PDSS2: variants seen among roughly 807,000 people sequenced by gnomAD.
PDSS2 encodes all trans-polyprenyl-diphosphate synthase PDSS2.
In PDSS2, 31 loss-of-function variants were observed where a neutral mutation model predicts 44.5. That is an observed-to-expected ratio of 0.70 (90% CI 0.52 to 0.94). The LOEUF is 0.94. Among genes scored for constraint, PDSS2 ranks in the 40% least tolerant of loss-of-function variants. PDSS2 has a pLI of 0.00. For synonymous variants in PDSS2, 157 were observed against 180.3 expected (o/e 0.87, Z 1.03); for missense variants, 452 against 482.2 (o/e 0.94, Z 0.59).
intron 1 of PDSS2, among the ~76,000 whole-genome samples, chr6:107,444,640 G>T (rs1562544769): frequency 6.6e-6 from 1 of 152,156 alleles, no homozygotes; most frequent in Non-Finnish European, 1.5e-5. Context: ...TTTTCAGTCA[G>T]TAATTACAGA....
At chr6:107,158,650 A>G (rs1347057632) in intron 7 of PDSS2, among the ~76,000 whole-genome samples, 2 of 152,128 alleles carry the variant, frequency 1.3e-5, no homozygotes, top group African/African-American at 4.8e-5. Context: ...AGGCACTAAA[A>G]TGGTGCTGGG....
intron 4 of PDSS2, among the ~76,000 whole-genome samples, chr6:107,240,725 T>TA (rs777215260): frequency 3.7e-4 from 55 of 149,176 alleles, no homozygotes; most frequent in Admixed American, 1.1e-3. Context: ...AAATAAAAAT[T>TA]TAAAAAAAAA....
chr6:107,314,474 G>A lies in PDSS2; in HGVS notation c.431+19724C>T, dbSNP rs2115133520. On this transcript the variant is annotated intron_variant, in intron 2 of 7. Coordinates refer to ENST00000369037, the MANE Select transcript of PDSS2 (RefSeq NM_020381.4). The stretch of plus-strand genomic sequence containing the variant: ...ATGCAAGCCATATTTATTAGAGGCA[G>A]CATGTCAAATAGGAGTTGACAATTA... 3.3e-5 allele frequency among the ~76,000 whole-genome samples: 5 copies of A among 152,262 alleles called. 1 individual carries two copies. The Middle Eastern group carries it at 0.017, about 518-fold the overall frequency.
intron 4 of PDSS2, among the ~76,000 whole-genome samples, chr6:107,236,467 CAAA>C (rs373182358): frequency 7.1e-5 from 7 of 98,566 alleles, no homozygotes; most frequent in Admixed American, 3.3e-4. Context: ...GACTCTGTCT[CAAA>C]AAAAAAAAAA....
chr6:107,249,622 G>A (rs528503655), intron 3 of PDSS2, among the ~76,000 whole-genome samples: 41 of 152,198 alleles, frequency 2.7e-4, no homozygotes, highest in Middle Eastern at 6.8e-3. Flanking sequence ...TTCAGTTTGG[G>A]TCATATGTTG....
At chr6:107,307,596 G>A (rs904179914) in intron 2 of PDSS2, among the ~76,000 whole-genome samples, 5 of 151,328 alleles carry the variant, frequency 3.3e-5, no homozygotes, top group African/African-American at 1.2e-4. Context: ...ACCAAACTGT[G>A]CAATGTCTTT....
intron 2 of PDSS2, among the ~76,000 whole-genome samples, chr6:107,293,567 G>C (rs1279661926): frequency 2.0e-5 from 3 of 152,056 alleles, no homozygotes; most frequent in Non-Finnish European, 2.9e-5. Flanking sequence ...GGCAGGTGGA[G>C]GATTAAAGAA....
chr6:107,447,450 A>G (rs1329797145), intron 1 of PDSS2, among the ~76,000 whole-genome samples: 3 of 152,212 alleles, frequency 2.0e-5, no homozygotes, highest in African/African-American at 7.2e-5. Flanking sequence ...TGGCCAAAAC[A>G]AAGGGGATAC....
At chr6:107,252,312 C>T (rs1338302494) in intron 3 of PDSS2, among the ~76,000 whole-genome samples, 4 of 152,186 alleles carry the variant, frequency 2.6e-5, no homozygotes, top group Non-Finnish European at 4.4e-5. Flanking sequence ...GCAATAAGCA[C>T]ACCAACTCAT....
intron 1 of PDSS2, among the ~76,000 whole-genome samples, chr6:107,432,166 G>A (rs1202388396): frequency 6.6e-6 from 1 of 152,090 alleles, no homozygotes; most frequent in Admixed American, 6.5e-5. Context: ...TATCTAGCAG[G>A]AATTTAAAAG....
At position 107,441,529 on chromosome 6, in the gene PDSS2, T is replaced by C. The variant is rs929144864; in HGVS notation, c.296+17461A>G. Among the ~76,000 whole-genome samples the C allele has an allele frequency of 2.6e-5, 4 of 152,202 alleles. No individual in the cohort carries two copies. In the East Asian group the frequency reaches 5.8e-4, roughly 22 times the overall value. Reference sequence around the variant, plus strand: ...ACCATTTAGCCCACAGGTTGAAGAATGTAAGAATTAGGTCACAAAATTAGA... The same window carrying C: ...ACCATTTAGCCCACAGGTTGAAGAACGTAAGAATTAGGTCACAAAATTAGA... On this transcript the variant is annotated intron_variant, in intron 1 of 7. Transcript: ENST00000369037.
intron 4 of PDSS2, among the ~76,000 whole-genome samples, chr6:107,214,382 CT>C (rs1296460722): frequency 1.3e-5 from 2 of 152,100 alleles, no homozygotes; most frequent in Non-Finnish European, 2.9e-5. Flanking sequence ...TGAGCCACCG[CT>C]CCCGGCCTTT....
intron 1 of PDSS2, among the ~76,000 whole-genome samples, chr6:107,379,534 T>G (rs1459308447): frequency 6.6e-6 from 1 of 152,210 alleles, no homozygotes; most frequent in Non-Finnish European, 1.5e-5. Flanking sequence ...AGCATGCTTA[T>G]GTCTCTTTGT....
At chr6:107,402,795 C>T (rs555818310) in intron 1 of PDSS2, among the ~76,000 whole-genome samples, 31 of 151,984 alleles carry the variant, frequency 2.0e-4, no homozygotes, top group African/African-American at 7.5e-4. Flanking sequence ...CACTCACTAT[C>T]ACGAGAATAG....
At chr6:107,458,431 A>AAAAAAAAAAAAAAAC (rs1782126958) in intron 1 of PDSS2, among the ~76,000 whole-genome samples, 1 of 147,254 alleles carries the variant, frequency 6.8e-6, no homozygotes, top group African/African-American at 2.5e-5. Flanking sequence ...AAAAAAAAAA[A>AAAAAAAAAAAAAAAC]ACTTTTATAA....
At chr6:107,299,524 A>T (rs1295831958) in intron 2 of PDSS2, among the ~76,000 whole-genome samples, 4 of 152,148 alleles carry the variant, frequency 2.6e-5, no homozygotes, top group Non-Finnish European at 5.9e-5. Context: ...AGAATTGTAG[A>T]TCCCCATGGC....
At chr6:107,458,943 A>G (rs1240360521) in intron 1 of PDSS2, 47 bp downstream of exon 1, 20 of 1,583,026 alleles carry the variant, frequency 1.3e-5, no homozygotes, top group Non-Finnish European at 1.7e-5. Context: ...CAGAAAAAAA[A>G]GTATTCCAAT....
rs1056502473 is a variant in PDSS2, at chr6:107,381,401, C to A, written c.297-47069G>T. On this transcript the variant is annotated intron_variant, in intron 1 of 7. Transcript: ENST00000369037. ...TCATGGCAACAGAAAACTGGCTCAT[C>A]CTCTTGGTCATTTTGGAAATGAGAT... Among the ~76,000 whole-genome samples the A allele has an allele frequency of 1.8e-4, 27 of 152,166 alleles. 1 individual carries two copies. Among genetic ancestry groups the A allele is most frequent in the Non-Finnish European group, 3.8e-4 (26 of 68,028 alleles).
At chr6:107,254,552 C>T (rs1190260394) in intron 3 of PDSS2, among the ~76,000 whole-genome samples, 1 of 152,120 alleles carries the variant, frequency 6.6e-6, no homozygotes, top group Non-Finnish European at 1.5e-5. Context: ...TTCCACCTTC[C>T]CCCAGTATGG....
Sources: allele counts gnomAD v4.1 joint callset (sites outside exome capture counted in the v4.1 genomes callset), GRCh38; gene constraint gnomAD v4.1.1; transcripts MANE v1.5; gene names NCBI Gene and HGNC (gene_info 2026-07-23, HGNC 2026-07-21).